Variants in ZEB2 observed in about 807,000 individuals in gnomAD.
ZEB2 encodes zinc finger E-box binding homeobox 2, also known as zinc finger E-box-binding homeobox 2.
Under a neutral mutation model 99.9 loss-of-function variants are expected in ZEB2, and 6 were observed. The observed-to-expected ratio is 0.06, with a 90% CI of 0.03 to 0.12. The LOEUF is 0.12. Ranked by LOEUF, ZEB2 falls within the 10% of genes least tolerant of loss-of-function variation. The pLI is 1.00. For missense variants in ZEB2, 969 were observed against 1,502.8 expected, an observed-to-expected ratio of 0.64 and a Z score of 5.87; for synonymous variants, 517 against 542.5, an observed-to-expected ratio of 0.95 and a Z score of 0.65.
At chr2:144,395,912 T>C (rs1451548976) in intron 9 of ZEB2, among the ~76,000 whole-genome samples, 1 of 152,128 alleles carries the variant, frequency 6.6e-6, no homozygotes, top group Admixed American at 6.5e-5. Context: ...ACTTTTCTTT[T>C]ATGACACTAA....
chr2:144,425,135 G>T (rs530147446), intron 3 of ZEB2, among the ~76,000 whole-genome samples: 1 of 152,306 alleles, frequency 6.6e-6, no homozygotes, highest in Non-Finnish European at 1.5e-5. Flanking sequence ...TCTGGTGGCA[G>T]TTCTAGTGAC....
intron 2 of ZEB2, among the ~76,000 whole-genome samples, chr2:144,445,500 A>T (rs1250209393): frequency 6.6e-6 from 1 of 151,410 alleles, no homozygotes; most frequent in Non-Finnish European, 1.5e-5. Context: ...GCTAATGAAC[A>T]CCTTACCTGC....
At chr2:144,504,646 AAAC>A (rs1188688534) in intron 2 of ZEB2, 7 of 152,344 alleles carry the variant, frequency 4.6e-5, no homozygotes, top group African/African-American at 1.4e-4. Flanking sequence ...GCGAGAAAAA[AAAC>A]AACAAGGTTA....
chr2:144,424,785 A>G lies in ZEB2; in HGVS notation c.403+11T>C, dbSNP rs992256843. 2.5e-6 allele frequency: 4 copies of G among 1,613,928 alleles called. No individual in the cohort carries two copies. The highest frequency in any genetic ancestry group is 2.5e-6 in the Non-Finnish European group (3 of 1,179,934). On this transcript the variant is annotated intron_variant, in intron 4 of 9. Transcript: ENST00000627532. ...GACAAATGTGATCTGAGCGTGGCCAACATAACTCACCTGTACCATTGTTAA... is the reference window on the plus strand; with the variant it reads ...GACAAATGTGATCTGAGCGTGGCCAGCATAACTCACCTGTACCATTGTTAA...
In ZEB2 at chr2:144,396,595, G is replaced by A; in HGVS notation, c.2887-3C>T. On this transcript the variant is annotated splice_polypyrimidine_tract_variant and splice_region_variant and intron_variant, in intron 8 of 9. Coordinates refer to ENST00000627532, the MANE Select transcript of ZEB2 (RefSeq NM_014795.4). ...TGTGCTCCATCAAGCAATTCTCCCT[G>A]CGATAGAATCACACAGTTCAATACA... The A allele has an allele frequency of 6.2e-7, 1 of 1,612,966 alleles. No homozygotes were observed. Among genetic ancestry groups the A allele is most frequent in the South Asian group, 1.1e-5 (1 of 91,076 alleles).
intron 9 of ZEB2, among the ~76,000 whole-genome samples, chr2:144,390,797 A>T (rs1703145769): frequency 6.6e-6 from 1 of 152,202 alleles, no homozygotes; most frequent in Non-Finnish European, 1.5e-5. Context: ...GTTTCTAACC[A>T]GTGTTTGGAA....
At chr2:144,513,142 C>T in intron 2 of ZEB2, 1 of 1,285,742 alleles carries the variant, frequency 7.8e-7, no homozygotes, top group Non-Finnish European at 1.0e-6. Flanking sequence ...ATTTTCTTTC[C>T]TTTTCATTTA....
chr2:144,397,649 T>C (rs995823249), intron 8 of ZEB2, among the ~76,000 whole-genome samples: 1 of 152,186 alleles, frequency 6.6e-6, no homozygotes, highest in Non-Finnish European at 1.5e-5. Context: ...TTATATTTAT[T>C]TATTTATTTA....
chr2:144,479,449 G>C (rs975032051), intron 2 of ZEB2, among the ~76,000 whole-genome samples: 1 of 152,134 alleles, frequency 6.6e-6, no homozygotes, highest in East Asian at 1.9e-4. Flanking sequence ...GGCTGTGCGG[G>C]TCCTGCCAGG....
At chr2:144,499,058 C>T (rs954591543) in intron 2 of ZEB2, among the ~76,000 whole-genome samples, 34 of 152,294 alleles carry the variant, frequency 2.2e-4, no homozygotes, top group African/African-American at 7.7e-4. Flanking sequence ...GCAAAAAACA[C>T]GTAGAATATT....
chr2:144,410,092 T>C (rs1323915898), intron 4 of ZEB2, among the ~76,000 whole-genome samples: 2 of 152,006 alleles, frequency 1.3e-5, no homozygotes, highest in Admixed American at 6.5e-5. Flanking sequence ...TTCGTATTTT[T>C]AGTAGAGACA....
chr2:144,479,681 T>G (rs1357947564), intron 2 of ZEB2, among the ~76,000 whole-genome samples: 2 of 16,214 alleles, frequency 1.2e-4, no homozygotes, highest in Non-Finnish European at 3.6e-4. Flanking sequence ...GCTACTTTTT[T>G]TTGGGGGGGG....
intron 2 of ZEB2, chr2:144,513,588 T>C: frequency 6.5e-7 from 1 of 1,528,984 alleles, no homozygotes; most frequent in East Asian, 2.4e-5. Flanking sequence ...GTGAGATTTT[T>C]CAGAGGCTGA....
intron 2 of ZEB2, among the ~76,000 whole-genome samples, chr2:144,439,691 C>T (rs1282133952): frequency 6.6e-6 from 1 of 152,154 alleles, no homozygotes; most frequent in East Asian, 1.9e-4. Flanking sequence ...GCAATAAAAG[C>T]GAACAATTTC....
At chr2:144,422,813 A>ACAAAT (rs1383199914) in intron 4 of ZEB2, among the ~76,000 whole-genome samples, 1 of 151,912 alleles carries the variant, frequency 6.6e-6, no homozygotes, top group East Asian at 1.9e-4. Flanking sequence ...ACAAAACAAA[A>ACAAAT]CAAATCAAAA....
At chr2:144,425,220 T>C (rs1266893647) in intron 3 of ZEB2, among the ~76,000 whole-genome samples, 3 of 152,214 alleles carry the variant, frequency 2.0e-5, no homozygotes, top group Middle Eastern at 3.2e-3. Context: ...AGAGGCATGC[T>C]GGCTGCTATG....
chr2:144,396,006 T>C (rs1279116961), intron 9 of ZEB2, among the ~76,000 whole-genome samples: 1 of 152,140 alleles, frequency 6.6e-6, no homozygotes, highest in Non-Finnish European at 1.5e-5. Context: ...TCTTGGTGTT[T>C]TGGATGATGA....
chr2:144,485,829 G>T (rs1293059256), intron 2 of ZEB2, among the ~76,000 whole-genome samples: 1 of 152,108 alleles, frequency 6.6e-6, no homozygotes, highest in Non-Finnish European at 1.5e-5. Context: ...ATGTTGGCCA[G>T]ACTAGTCTCC....
chr2:144,480,587 T>C (rs530118303), intron 2 of ZEB2, among the ~76,000 whole-genome samples: 9 of 152,218 alleles, frequency 5.9e-5, no homozygotes, highest in Non-Finnish European at 1.3e-4. Flanking sequence ...CTGTTTGCAA[T>C]TCTTAACTTA....
Sources: allele counts gnomAD v4.1 joint callset (sites outside exome capture counted in the v4.1 genomes callset), GRCh38; gene constraint gnomAD v4.1.1; transcripts MANE v1.5; gene names NCBI Gene and HGNC (gene_info 2026-07-23, HGNC 2026-07-21).